Variants in RASA3 observed in about 807,000 individuals in gnomAD.
RASA3 encodes RAS p21 protein activator 3.
RASA3 carries 73 observed loss-of-function variants against 110.0 expected under a neutral mutation model. The observed-to-expected ratio is 0.66, with a 90% CI of 0.55 to 0.81. The LOEUF is 0.81. Among genes scored for constraint, RASA3 ranks in the 30% least tolerant of loss-of-function variants. RASA3 has a pLI of 0.00. For missense variants in RASA3, 976 were observed against 1,113.2 expected, an observed-to-expected ratio of 0.88 and a Z score of 1.75; for synonymous variants, 500 against 451.4, an observed-to-expected ratio of 1.11 and a Z score of -1.37.
At position 114,056,320 on chromosome 13, in the gene RASA3, A is replaced by G. The variant is rs372067439; in HGVS notation, c.174-4165T>C. On this transcript the variant is annotated intron_variant, in intron 2 of 23. Coordinates refer to ENST00000334062, the MANE Select transcript of RASA3 (RefSeq NM_007368.4). This position sits in a 1 kb window ranked among gnomAD's most constrained non-coding sequence, Gnocchi z 5.7. ...CCGGTGCGTGGTGAGGGGCGGTGAG[A>G]TGAGGATGCCAGCGCTAAGCACACC... is the stretch of plus-strand genomic sequence containing the variant. 8 of 410,784 alleles carry G rather than the reference A, an allele frequency of 1.9e-5. No individual in the cohort carries two copies. The highest frequency in any genetic ancestry group is 1.7e-4 in the African/African-American group (8 of 46,214). 25.4% of individuals were successfully genotyped at this position (410,784 alleles called of 1,614,324 possible). A position where few individuals can be genotyped will look rare whatever the true frequency, so the allele number is the denominator to read the frequency against.
intron 20 of RASA3, among the ~76,000 whole-genome samples, chr13:113,996,969 G>C (rs1047577851): frequency 6.6e-6 from 1 of 152,242 alleles, no homozygotes; most frequent in Non-Finnish European, 1.5e-5. Flanking sequence ...GGGAATGGAG[G>C]TGAGAACTGG....
intron 2 of RASA3, among the ~76,000 whole-genome samples, chr13:114,052,943 T>A (rs1225884043): frequency 9.7e-6 from 1 of 103,278 alleles, no homozygotes; most frequent in East Asian, 2.8e-4. Flanking sequence ...GTACTTAGAG[T>A]CCTCGCTCCT....
intron 13 of RASA3, among the ~76,000 whole-genome samples, chr13:114,015,663 G>A (rs1175422636): frequency 1.3e-5 from 2 of 152,232 alleles, no homozygotes; most frequent in African/African-American, 2.4e-5. Flanking sequence ...GAAACAGCAC[G>A]CTCTGCAAGA....
At chr13:113,998,247 C>G (rs1481051019) in intron 20 of RASA3, among the ~76,000 whole-genome samples, 5 of 152,192 alleles carry the variant, frequency 3.3e-5, no homozygotes, top group South Asian at 4.1e-4. Context: ...CCACACCCTC[C>G]TCTTCCCATC....
Position 114,015,320 on chromosome 13 carries a change from G to A in RASA3, c.1294C>T (p.Gln432Ter). The change falls in exon 14 of 24, where the codon CAG becomes TAG. Residue 432 changes from glutamine (Q) to a stop codon, truncating the protein, a stop_gained. Transcript: ENST00000334062. LOFTEE classifies it high-confidence loss of function. Reference sequence around the variant, plus strand: ...GCGTGGAAGACGCGGTCCACATACTGCCGTAGGTTCTCCTGCAACGGGACA... The same window carrying A: ...GCGTGGAAGACGCGGTCCACATACTACCGTAGGTTCTCCTGCAACGGGACA... The part of the protein sequence containing the change: ...NLENNMENLR[Q>*]YVDRVFHAIT... The A allele has an allele frequency of 6.2e-7, 1 of 1,612,922 alleles. No homozygotes were observed. The highest frequency in any genetic ancestry group is 2.2e-5 in the East Asian group (1 of 44,880).
At chr13:114,038,738 G>A (rs557265068) in intron 4 of RASA3, among the ~76,000 whole-genome samples, 3 of 152,096 alleles carry the variant, frequency 2.0e-5, no homozygotes, top group South Asian at 2.1e-4. Context: ...CCCAGAGGAC[G>A]AGGGTTCCCG....
At chr13:114,105,513 GC>G (rs958496967) in intron 1 of RASA3, among the ~76,000 whole-genome samples, 3 of 152,320 alleles carry the variant, frequency 2.0e-5, no homozygotes, top group South Asian at 2.1e-4. Context: ...AGCACTGGCA[GC>G]CCCCCTCCTC....
chr13:114,048,312 C>T lies in RASA3; in HGVS notation c.277+3740G>A, dbSNP rs2079086695. Among the ~76,000 whole-genome samples, 1 of 138,220 alleles carries T rather than the reference C, an allele frequency of 7.2e-6. No individual in the cohort carries two copies. The highest frequency in any genetic ancestry group is 7.1e-5 in the Admixed American group (1 of 14,070). The allele number at this position is 138,220 out of a possible 152,430, so 90.7% of individuals were successfully genotyped here. On this transcript the variant is annotated intron_variant, in intron 3 of 23. Coordinates refer to ENST00000334062, the MANE Select transcript of RASA3 (RefSeq NM_007368.4). This position sits in a 1 kb window ranked among gnomAD's most constrained non-coding sequence, Gnocchi z 4.3. ...CCTGGGCGACAGAAAGAGACTCCGT[C>T]TCAAAAAAAAAAAAAAAGAAGAAGA...
chr13:114,124,066 C>A (rs914346876), intron 1 of RASA3, among the ~76,000 whole-genome samples: 2 of 152,196 alleles, frequency 1.3e-5, no homozygotes, highest in Non-Finnish European at 2.9e-5. Flanking sequence ...GGCCCAGCCC[C>A]CAGAAGCCCG....
intron 1 of RASA3, among the ~76,000 whole-genome samples, chr13:114,080,666 G>GCTGAAACAGGGGTCTCCCCCAGAGGCCA (rs2079769165): frequency 7.4e-6 from 1 of 135,230 alleles, no homozygotes; most frequent in African/African-American, 2.7e-5. Flanking sequence ...CCCGACAACG[G>GCTGAAACAGGGGTCTCCCCCAGAGGCCA]CTGAAACAGG....
chr13:114,070,891 G>A (rs2079559840), intron 2 of RASA3, among the ~76,000 whole-genome samples: 1 of 133,720 alleles, frequency 7.5e-6, no homozygotes, highest in African/African-American at 3.0e-5. Context: ...CGGCGTCCAC[G>A]CTAAACGGCG....
At chr13:114,130,350 C>T (rs1284999664) in intron 1 of RASA3, among the ~76,000 whole-genome samples, 3 of 152,222 alleles carry the variant, frequency 2.0e-5, no homozygotes, top group Non-Finnish European at 4.4e-5. Context: ...TCTACCCGTC[C>T]TCACTGCTGC....
chr13:114,108,449 G>A (rs374531734), intron 1 of RASA3, among the ~76,000 whole-genome samples: 11 of 43,874 alleles, frequency 2.5e-4, no homozygotes, highest in African/African-American at 5.7e-4. Context: ...ATCACCCCCC[G>A]TCCGTCATCC....
At chr13:114,105,203 G>A (rs556661213) in intron 1 of RASA3, among the ~76,000 whole-genome samples, 1 of 152,068 alleles carries the variant, frequency 6.6e-6, no homozygotes, top group East Asian at 1.9e-4. Flanking sequence ...GGGCAGGTCC[G>A]GGACTGGGAG....
chr13:114,034,624 G>A (rs1020218920), intron 4 of RASA3, among the ~76,000 whole-genome samples: 1 of 152,246 alleles, frequency 6.6e-6, no homozygotes, highest in African/African-American at 2.4e-5. Flanking sequence ...CCCACCCCTG[G>A]AAGGCCCTTT....
intron 1 of RASA3, among the ~76,000 whole-genome samples, chr13:114,105,569 C>T (rs928274187): frequency 7.2e-5 from 11 of 152,198 alleles, no homozygotes; most frequent in Non-Finnish European, 1.2e-4. Context: ...CCTCACCTGC[C>T]TCCTGCCTGA....
At position 114,059,375 on chromosome 13, in the gene RASA3, G is replaced by C. The variant is rs148064600; in HGVS notation, c.174-7220C>G. Among the ~76,000 whole-genome samples the C allele has an allele frequency of 8.6e-3, 1,303 of 152,376 alleles. 16 individuals carry two copies. The highest frequency in any genetic ancestry group is 0.013 in the Non-Finnish European group (882 of 68,034). On this transcript the variant is annotated intron_variant, in intron 2 of 23. Transcript: ENST00000334062. Reference sequence around the variant, plus strand: ...GGAAGACTATATGGCACGTCTAAATGTAAGAATCTGTGACAGACGTCGCTG... The same window carrying C: ...GGAAGACTATATGGCACGTCTAAATCTAAGAATCTGTGACAGACGTCGCTG...
chr13:114,018,332 C>A, intron 10 of RASA3, 80 bp from the exon 11 acceptor site: 6 of 1,438,422 alleles, frequency 4.2e-6, no homozygotes, highest in Non-Finnish European at 5.6e-6. Context: ...GCTGGGGTCT[C>A]ACTTCCAGCC....
At chr13:114,132,375 C>T in intron 1 of RASA3, 60 bp downstream of exon 1, 1 of 1,420,328 alleles carries the variant, frequency 7.0e-7, no homozygotes, top group Non-Finnish European at 9.2e-7. Context: ...GGGAGGCGGG[C>T]GCGGGAGAGG....
Sources: allele counts gnomAD v4.1 joint callset (sites outside exome capture counted in the v4.1 genomes callset), GRCh38; gene constraint gnomAD v4.1.1; non-coding constraint Gnocchi (gnomAD v3.1); transcripts MANE v1.5; gene names NCBI Gene and HGNC (gene_info 2026-07-23, HGNC 2026-07-21).